Variants in PTCHD4 observed in about 807,000 individuals in gnomAD.
PTCHD4 encodes patched domain containing 4.
A neutral mutation model predicts 58.1 loss-of-function variants in PTCHD4; 33 were observed. The observed-to-expected ratio is 0.57, with a 90% CI of 0.43 to 0.76. The LOEUF is 0.76. Among genes scored for constraint, PTCHD4 ranks in the 30% least tolerant of loss-of-function variants. The pLI is 0.00. For synonymous variants in PTCHD4, 478 were observed against 409.6 expected (o/e 1.17, Z -2.02); for missense variants, 1,058 against 1,027.1 (o/e 1.03, Z -0.41).
rs1221530391 is a variant in PTCHD4 at position 48,068,733 on chromosome 6, C to T, written c.6-92G>A. 8 of 1,291,886 alleles carry T rather than the reference C, an allele frequency of 6.2e-6. No homozygotes were observed. In the Admixed American group the frequency reaches 1.7e-4, roughly 28 times the overall value. 80.0% of individuals were successfully genotyped at this position (1,291,886 alleles called of 1,614,324 possible). ...GGCCAGTCCCCCCTCCCCACCGCCG[C>T]CGCCTCCCCACCCACTCCGCGCTCA... is the stretch of plus-strand genomic sequence containing the variant. On this transcript the variant is annotated intron_variant, in intron 2 of 4. Transcript: ENST00000339488. The surrounding 1 kb of genome is among the most constrained non-coding windows in gnomAD (Gnocchi z 4.2).
Position 47,870,619 on chromosome 6 carries a change from T to C in PTCHD4, c.*7684A>G, listed in dbSNP as rs1763691365. Among the ~76,000 whole-genome samples the C allele has an allele frequency of 6.6e-6, 1 of 151,648 alleles. No individual in the cohort carries two copies. The highest frequency in any genetic ancestry group is 1.9e-4 in the East Asian group (1 of 5,144). On this transcript the variant is annotated 3_prime_UTR_variant, in exon 5 of 5. Coordinates refer to ENST00000339488, the MANE Select transcript of PTCHD4 (RefSeq NM_001384253.1). ...AAGGACTTTTGGTTTGGGTTCTTAG[T>C]AAGATCAAAAATAGGTACTTTTAGA...
Position 48,009,125 on chromosome 6 carries a change from G to A in PTCHD4, c.418-11C>T, listed in dbSNP as rs1176820238. 2 of 1,584,568 alleles carry A rather than the reference G, an allele frequency of 1.3e-6. No individual in the cohort carries two copies. The highest frequency in any genetic ancestry group is 1.4e-5 in the African/African-American group (1 of 73,502). Reference sequence around the variant, plus strand: ...ACTGTTCCTCCCATCCTTGAAAACAGAAAAAGAAGAGACTTCAGTTACGGA... The same window carrying A: ...ACTGTTCCTCCCATCCTTGAAAACAAAAAAAGAAGAGACTTCAGTTACGGA... On this transcript the variant is annotated splice_polypyrimidine_tract_variant and intron_variant, in intron 3 of 4. Coordinates refer to ENST00000339488, the MANE Select transcript of PTCHD4 (RefSeq NM_001384253.1).
rs1188974556 is a variant in PTCHD4, at chr6:47,856,896, A to G, written c.*21407T>C. On this transcript the variant is annotated 3_prime_UTR_variant, in exon 5 of 5. Coordinates refer to ENST00000339488, the MANE Select transcript of PTCHD4 (RefSeq NM_001384253.1). ...CATCAACCTTTATATAAATCCATATATGTTTGTAATAGCTTTTCATAATGG... is the reference window on the plus strand; with the variant it reads ...CATCAACCTTTATATAAATCCATATGTGTTTGTAATAGCTTTTCATAATGG... Among the ~76,000 whole-genome samples, 1 of 152,062 alleles carries G rather than the reference A, an allele frequency of 6.6e-6. No individual in the cohort carries two copies. Among genetic ancestry groups the G allele is most frequent in the Non-Finnish European group, 1.5e-5 (1 of 67,980 alleles).
chr6:48,106,134 C>G (rs1028297441), intron 1 of PTCHD4, among the ~76,000 whole-genome samples: 1 of 152,060 alleles, frequency 6.6e-6, no homozygotes, highest in Non-Finnish European at 1.5e-5. Flanking sequence ...CAAAGCCGGG[C>G]AGAGACGCAA....
chr6:47,944,679 T>C (rs913373795), intron 4 of PTCHD4, among the ~76,000 whole-genome samples: 2 of 152,114 alleles, frequency 1.3e-5, no homozygotes, highest in Non-Finnish European at 2.9e-5. Flanking sequence ...CATGTTATTC[T>C]TTAGGCTGCT....
chr6:47,908,439 T>C (rs540269293), intron 4 of PTCHD4, among the ~76,000 whole-genome samples: 6 of 152,312 alleles, frequency 3.9e-5, no homozygotes, highest in African/African-American at 1.4e-4. Context: ...CATTGACTAA[T>C]GCCTCCAGGA....
chr6:48,005,419 T>C (rs1279244948), intron 4 of PTCHD4, among the ~76,000 whole-genome samples: 5 of 152,380 alleles, frequency 3.3e-5, no homozygotes, highest in Admixed American at 2.6e-4. Context: ...TTCTTTCCCT[T>C]ATACCCAGCT....
chr6:48,020,268 A>C (rs1217142065), intron 3 of PTCHD4, among the ~76,000 whole-genome samples: 1 of 152,144 alleles, frequency 6.6e-6, no homozygotes. Flanking sequence ...GGAACATTAA[A>C]AAAGAGGTTT....
chr6:48,065,348 A>G (rs1025784442), intron 3 of PTCHD4, among the ~76,000 whole-genome samples: 1 of 152,140 alleles, frequency 6.6e-6, no homozygotes. Flanking sequence ...AAAATTTTCC[A>G]TATTGGTCAG....
chr6:47,861,325 A>C lies in PTCHD4; in HGVS notation c.*16978T>G, dbSNP rs750806209. On this transcript the variant is annotated 3_prime_UTR_variant, in exon 5 of 5. Transcript: ENST00000339488. Reference sequence around the variant, plus strand: ...TAAAACTATTTTTTAAAAAAATTTTATTTGTGTCTCAATTCTTGCCTGACT... The same window carrying C: ...TAAAACTATTTTTTAAAAAAATTTTCTTTGTGTCTCAATTCTTGCCTGACT... Among the ~76,000 whole-genome samples the C allele has an allele frequency of 8.4e-5, 12 of 143,534 alleles. No individual in the cohort carries two copies. Among genetic ancestry groups the C allele is most frequent in the Non-Finnish European group, 1.7e-4 (11 of 65,610 alleles). 94.2% of individuals were successfully genotyped at this position (143,534 alleles called of 152,430 possible).
chr6:47,872,161 T>C lies in PTCHD4; in HGVS notation c.*6142A>G, dbSNP rs1170812787. On this transcript the variant is annotated 3_prime_UTR_variant, in exon 5 of 5. Transcript: ENST00000339488. ...ATATTACATTAGATAATTTAAATGC[T>C]CCCCATAACATACTGTAGACTGCCG... 6.6e-6 allele frequency among the ~76,000 whole-genome samples: 1 copy of C among 151,528 alleles called. No homozygotes were observed. Among genetic ancestry groups the C allele is most frequent in the Non-Finnish European group, 1.5e-5 (1 of 67,688 alleles).
rs17556966 is a variant in PTCHD4 at position 47,901,935 on chromosome 6, C to G, written c.899-21999G>C. 8.4e-3 allele frequency: 10,898 copies of G among 1,300,398 alleles called. 66 individuals are homozygous for G. The highest frequency in any genetic ancestry group is 0.018 in the Admixed American group (792 of 43,494). The allele number at this position is 1,300,398 out of a possible 1,614,324, so 80.6% of individuals were successfully genotyped here. On this transcript the variant is annotated intron_variant, in intron 4 of 4. Transcript: ENST00000339488. ...GCTTGAGGTAAATTCAGTGGAGATG[C>G]CTTAAAAATAGTATGAGCAAGTCAG...
intron 4 of PTCHD4, among the ~76,000 whole-genome samples, chr6:47,909,958 C>A (rs1300268634): frequency 2.0e-5 from 3 of 152,036 alleles, no homozygotes; most frequent in Non-Finnish European, 4.4e-5. Context: ...TAATAACTTG[C>A]TATTAAATTT....
At chr6:48,013,518 G>A (rs1206295644) in intron 3 of PTCHD4, among the ~76,000 whole-genome samples, 1 of 151,708 alleles carries the variant, frequency 6.6e-6, no homozygotes, top group East Asian at 2.0e-4. Context: ...ATATTACCAT[G>A]AGCTGCAAGT....
chr6:48,109,114 A>T (rs905057734), intron 1 of PTCHD4, among the ~76,000 whole-genome samples: 3 of 152,122 alleles, frequency 2.0e-5, no homozygotes, highest in African/African-American at 7.2e-5. Context: ...AACTAAAAAA[A>T]CTTCAAAGTA....
intron 4 of PTCHD4, among the ~76,000 whole-genome samples, chr6:47,967,119 T>A (rs1486155552): frequency 6.6e-6 from 1 of 152,212 alleles, no homozygotes; most frequent in Non-Finnish European, 1.5e-5. Flanking sequence ...TATTTCTTAA[T>A]AATAAGACTT....
chr6:47,891,789 C>A (rs1363429968), intron 4 of PTCHD4, among the ~76,000 whole-genome samples: 2 of 151,922 alleles, frequency 1.3e-5, no homozygotes, highest in Admixed American at 6.6e-5. Context: ...GTCAATAAAC[C>A]TAAATGTGTT....
At chr6:47,952,818 T>G (rs558333916) in intron 4 of PTCHD4, among the ~76,000 whole-genome samples, 14 of 152,132 alleles carry the variant, frequency 9.2e-5, no homozygotes, top group African/African-American at 3.1e-4. Flanking sequence ...AGTGACAAAA[T>G]CATCTAATGA....
intron 4 of PTCHD4, among the ~76,000 whole-genome samples, chr6:47,982,805 G>A (rs1184550198): frequency 1.3e-5 from 2 of 152,050 alleles, no homozygotes; most frequent in Non-Finnish European, 2.9e-5. Context: ...TATCTCTTTA[G>A]CCCCTCTACC....
Sources: gnomAD v4.1 joint callset for allele counts (sites outside exome capture counted in the v4.1 genomes callset) on GRCh38, gnomAD v4.1.1 for gene constraint, Gnocchi (gnomAD v3.1) non-coding constraint, MANE v1.5 for transcripts, NCBI Gene and HGNC (gene_info 2026-07-23, HGNC 2026-07-21) for gene names.